Variants in DGKB observed in about 807,000 individuals in gnomAD.
The protein encoded by DGKB is diacylglycerol kinase beta.
In DGKB, 67 loss-of-function variants were observed where a neutral mutation model predicts 114.3. The ratio of observed to expected loss-of-function variants is 0.59; its 90% CI spans 0.48 to 0.72. The LOEUF (loss-of-function observed/expected upper bound fraction) is 0.72. Among genes scored for constraint, DGKB ranks in the 30% least tolerant of loss-of-function variants. DGKB has a pLI of 0.00. For missense variants in DGKB, 907 were observed against 975.2 expected (o/e 0.93, Z 0.93); for synonymous variants, 398 against 323.1 (o/e 1.23, Z -2.49).
At chr7:14,939,202 G>T (rs1208879767) in intron 1 of DGKB, among the ~76,000 whole-genome samples, 1 of 151,880 alleles carries the variant, frequency 6.6e-6, no homozygotes, top group Non-Finnish European at 1.5e-5. Context: ...AATATCTATT[G>T]ACATACATAA....
chr7:14,352,422 A>G (rs907612754), intron 21 of DGKB, among the ~76,000 whole-genome samples: 33 of 152,204 alleles, frequency 2.2e-4, no homozygotes, highest in Admixed American at 1.3e-4. Context: ...CTAGTTCTCT[A>G]TTTGTATTGT....
At chr7:14,913,040 A>C (rs1298561001) in intron 1 of DGKB, among the ~76,000 whole-genome samples, 1 of 152,038 alleles carries the variant, frequency 6.6e-6, no homozygotes, top group Non-Finnish European at 1.5e-5. Context: ...CATTTCCTTC[A>C]GTTTCATCAA....
chr7:14,773,438 C>T (rs1257683990), intron 2 of DGKB, among the ~76,000 whole-genome samples: 1 of 151,996 alleles, frequency 6.6e-6, no homozygotes, highest in African/African-American at 2.4e-5. Context: ...ATGCATTACA[C>T]TTATTATGTA....
At chr7:14,794,104 T>C (rs749233610) in intron 2 of DGKB, among the ~76,000 whole-genome samples, 8 of 152,172 alleles carry the variant, frequency 5.3e-5, no homozygotes, top group Non-Finnish European at 1.0e-4. Flanking sequence ...GTGAGACTTC[T>C]CAGCCTCTAC....
intron 13 of DGKB, among the ~76,000 whole-genome samples, chr7:14,645,922 A>C (rs571288465): frequency 1.8e-4 from 27 of 152,320 alleles, no homozygotes; most frequent in Non-Finnish European, 3.7e-4. Flanking sequence ...TTTCTACAGA[A>C]AACAAGCAAA....
intron 23 of DGKB, among the ~76,000 whole-genome samples, chr7:14,218,551 T>C (rs568265057): frequency 6.6e-6 from 1 of 152,196 alleles, no homozygotes; most frequent in South Asian, 2.1e-4. Context: ...GGCCAAATGC[T>C]AATGGAAATG....
At chr7:14,550,887 CTT>C (rs1470822934) in intron 20 of DGKB, among the ~76,000 whole-genome samples, 12 of 152,264 alleles carry the variant, frequency 7.9e-5, no homozygotes, top group South Asian at 2.1e-4. Flanking sequence ...TTAAAAAAGA[CTT>C]TGATCATTTT....
chr7:14,266,622 A>G (rs904277694), intron 23 of DGKB, among the ~76,000 whole-genome samples: 1 of 152,202 alleles, frequency 6.6e-6, no homozygotes, highest in Non-Finnish European at 1.5e-5. Context: ...GATTCTAAAT[A>G]CCAACGTACC....
intron 1 of DGKB, among the ~76,000 whole-genome samples, chr7:14,854,623 G>A (rs995511437): frequency 2.6e-5 from 4 of 152,230 alleles, no homozygotes; most frequent in Non-Finnish European, 5.9e-5. Flanking sequence ...AACAGGAGGC[G>A]GAGCTCAGGT....
intron 12 of DGKB, among the ~76,000 whole-genome samples, chr7:14,678,011 TA>T (rs1384090180): frequency 6.6e-6 from 1 of 152,116 alleles, no homozygotes. Context: ...AATTGATTCT[TA>T]AGTATTTGTT....
At chr7:14,414,542 T>G (rs1389390946) in intron 21 of DGKB, among the ~76,000 whole-genome samples, 1 of 152,148 alleles carries the variant, frequency 6.6e-6, no homozygotes, top group African/African-American at 2.4e-5. Context: ...AGAGCTTTAG[T>G]TTCTTAACCT....
intron 22 of DGKB, among the ~76,000 whole-genome samples, chr7:14,344,100 G>T (rs1221090105): frequency 6.7e-6 from 1 of 149,998 alleles, no homozygotes. Context: ...TTTATATACA[G>T]TTATTTGTGT....
chr7:14,647,768 C>A (rs1002721152), intron 13 of DGKB, among the ~76,000 whole-genome samples: 8 of 152,240 alleles, frequency 5.3e-5, no homozygotes, highest in Admixed American at 3.3e-4. Flanking sequence ...AGACAGTGGG[C>A]GCAGGTCAGT....
At chr7:14,369,583 T>C (rs1469549306) in intron 21 of DGKB, among the ~76,000 whole-genome samples, 1 of 152,210 alleles carries the variant, frequency 6.6e-6, no homozygotes, top group African/African-American at 2.4e-5. Flanking sequence ...CCAGCATCTG[T>C]TGCTTCCTGA....
At chr7:14,234,665 A>G (rs1792487323) in intron 23 of DGKB, among the ~76,000 whole-genome samples, 1 of 152,086 alleles carries the variant, frequency 6.6e-6, no homozygotes, top group African/African-American at 2.4e-5. Context: ...TCCAGTTTTT[A>G]CTAACCTTTA....
intron 20 of DGKB, among the ~76,000 whole-genome samples, chr7:14,559,624 ATTTT>A (rs1234842611): frequency 4.6e-5 from 7 of 152,204 alleles, no homozygotes; most frequent in Non-Finnish European, 1.0e-4. Flanking sequence ...TGTCAATTGA[ATTTT>A]TTGTTACATC....
chr7:14,208,819 A>G (rs1787255939), intron 23 of DGKB, among the ~76,000 whole-genome samples: 1 of 151,754 alleles, frequency 6.6e-6, no homozygotes, highest in Non-Finnish European at 1.5e-5. Flanking sequence ...TTTCAGTCCT[A>G]TATGAGTGCT....
At chr7:14,777,700 T>C (rs1364852681) in intron 2 of DGKB, among the ~76,000 whole-genome samples, 1 of 152,158 alleles carries the variant, frequency 6.6e-6, no homozygotes, top group African/African-American at 2.4e-5. Flanking sequence ...AATTACACAG[T>C]CTCAGGTATG....
chr7:14,765,447 C>T (rs1404286173), intron 2 of DGKB, among the ~76,000 whole-genome samples: 1 of 151,942 alleles, frequency 6.6e-6, no homozygotes, highest in Non-Finnish European at 1.5e-5. Context: ...AAGAAAATTT[C>T]CTTTCTCCTT....
Sources: allele counts gnomAD v4.1 joint callset (sites outside exome capture counted in the v4.1 genomes callset), GRCh38; gene constraint gnomAD v4.1.1; transcripts MANE v1.5; gene names NCBI Gene and HGNC (gene_info 2026-07-23, HGNC 2026-07-21).